REEP1: variants seen among roughly 807,000 people sequenced by gnomAD.
REEP1 encodes the protein receptor accessory protein 1.
A neutral mutation model predicts 40.3 loss-of-function variants in REEP1; 22 were observed. The observed-to-expected ratio is 0.55, with a 90% CI of 0.39 to 0.78. The LOEUF is 0.78. Among genes scored for constraint, REEP1 ranks in the 30% least tolerant of loss-of-function variants. The pLI, the probability that REEP1 is intolerant of heterozygous loss-of-function variation, is 0.00. For missense variants in REEP1, 280 were observed against 361.1 expected, an observed-to-expected ratio of 0.78 and a Z score of 1.82; for synonymous variants, 116 against 139.2, an observed-to-expected ratio of 0.83 and a Z score of 1.17.
At chr2:86,303,772 G>A (rs1679362415) in intron 1 of REEP1, among the ~76,000 whole-genome samples, 1 of 152,158 alleles carries the variant, frequency 6.6e-6, no homozygotes, top group South Asian at 2.1e-4. Context: ...GGGTAGGGGA[G>A]GCATTTCAGG....
In REEP1 at chr2:86,220,039, G is replaced by A. The variant is rs535417125; in HGVS notation, c.714C>T (p.Asp238=). The A allele has an allele frequency of 1.9e-5, 24 of 1,231,994 alleles. No homozygotes were observed. The highest frequency in any genetic ancestry group is 1.2e-4 in the South Asian group (3 of 24,320). 76.3% of individuals were successfully genotyped at this position (1,231,994 alleles called of 1,614,324 possible). A position where few individuals can be genotyped will look rare whatever the true frequency, so the allele number is the denominator to read the frequency against. ...TGAAATCCAGCAGGTCTTCCTCCTCGTCGTCAGAAAACGCCAATGGGTTTT... is the reference window on the plus strand; with the variant it reads ...TGAAATCCAGCAGGTCTTCCTCCTCATCGTCAGAAAACGCCAATGGGTTTT... ...QVQNPLAFSD[D]EEEDLLDFMY... is the part of the protein sequence containing the mutation. Residue 238 remains aspartate (D), a synonymous_variant, in exon 8 of 9, where the codon GAC becomes GAT. Coordinates refer to ENST00000538924, the MANE Select transcript of REEP1 (RefSeq NM_001371279.1).
In REEP1 at chr2:86,215,627, AT is replaced by A. The variant is rs1674069601; in HGVS notation, c.*1411del. ...CTCGAAGCACAAATATATTATTCTT[AT>A]ATTTCGGCTCAGCTCTCAGTGGGGA... On this transcript the variant is annotated 3_prime_UTR_variant, in exon 9 of 9. Coordinates refer to ENST00000538924, the MANE Select transcript of REEP1 (RefSeq NM_001371279.1). 1 of 152,628 alleles carries A rather than the reference AT, an allele frequency of 6.6e-6. No individual in the cohort carries two copies. Among genetic ancestry groups the A allele is most frequent in the Non-Finnish European group, 1.5e-5 (1 of 68,040 alleles). 9.5% of individuals were successfully genotyped at this position (152,628 alleles called of 1,614,324 possible).
intron 1 of REEP1, among the ~76,000 whole-genome samples, chr2:86,303,014 G>C (rs1679319907): frequency 6.6e-6 from 1 of 152,060 alleles, no homozygotes; most frequent in African/African-American, 2.4e-5. Context: ...TGAATGCTCT[G>C]AAGGCTGAAG....
intron 1 of REEP1, among the ~76,000 whole-genome samples, chr2:86,329,112 G>C (rs1680642967): frequency 6.6e-6 from 1 of 152,182 alleles, no homozygotes; most frequent in African/African-American, 2.4e-5. Flanking sequence ...ACAGTGGGAA[G>C]ATAATCTTCC....
At chr2:86,292,736 TG>T (rs1017542781) in intron 1 of REEP1, among the ~76,000 whole-genome samples, 1 of 151,512 alleles carries the variant, frequency 6.6e-6, no homozygotes, top group Non-Finnish European at 1.5e-5. Flanking sequence ...GAAAAAGGGG[TG>T]GGGGGAAAGA....
chr2:86,238,333 C>T (rs1574014859), intron 5 of REEP1, among the ~76,000 whole-genome samples: 1 of 152,180 alleles, frequency 6.6e-6, no homozygotes, highest in East Asian at 1.9e-4. Flanking sequence ...AATATGGTTG[C>T]ACTTCTCAGA....
intron 7 of REEP1, among the ~76,000 whole-genome samples, chr2:86,226,468 C>CTTTTTT (rs745419771): frequency 4.0e-5 from 1 of 24,846 alleles, no homozygotes; most frequent in African/African-American, 8.8e-5. Context: ...TTTTTCTTTT[C>CTTTTTT]TTTTTTTTTT....
Position 86,337,524 on chromosome 2 carries a change from G to A in REEP1, c.-14C>T. ...CCATGACACCATGGCGGGCAGGCGG[G>A]CGGGCGAGGCCCGGGCGGCGCGGCT... On this transcript the variant is annotated 5_prime_UTR_variant, in exon 1 of 9. Coordinates refer to ENST00000538924, the MANE Select transcript of REEP1 (RefSeq NM_001371279.1). The surrounding 1 kb of genome is among the most constrained non-coding windows in gnomAD (Gnocchi z 5.8). 2.4e-6 allele frequency: 3 copies of A among 1,272,684 alleles called. No homozygotes were observed. The highest frequency in any genetic ancestry group is 2.6e-5 in the South Asian group (1 of 37,746). 78.8% of individuals were successfully genotyped at this position (1,272,684 alleles called of 1,614,324 possible). A position where few individuals can be genotyped will look rare whatever the true frequency, so the allele number is the denominator to read the frequency against.
chr2:86,277,006 A>G (rs1558908392), intron 2 of REEP1, among the ~76,000 whole-genome samples: 1 of 152,152 alleles, frequency 6.6e-6, no homozygotes, highest in Admixed American at 6.5e-5. Flanking sequence ...TACTTGAGGG[A>G]TGGATGCTTC....
intron 1 of REEP1, among the ~76,000 whole-genome samples, chr2:86,323,223 AG>A (rs1244735353): frequency 6.6e-6 from 1 of 152,254 alleles, no homozygotes; most frequent in Non-Finnish European, 1.5e-5. Flanking sequence ...AAATAAATAA[AG>A]AACATCAATA....
rs147501470 is a variant in REEP1 at position 86,333,463 on chromosome 2, CT to C, written c.32+4015del. 6.1e-3 allele frequency among the ~76,000 whole-genome samples: 923 copies of C among 152,312 alleles called. 9 individuals carry two copies. The highest frequency in any genetic ancestry group is 0.021 in the African/African-American group (866 of 41,562). ...GTGCAATGTGGAAATAAAATGTTTTCTGCACAGCCATTAGTTATTCAGAAAA... is the reference window on the plus strand; with the variant it reads ...GTGCAATGTGGAAATAAAATGTTTTCGCACAGCCATTAGTTATTCAGAAAA... On this transcript the variant is annotated intron_variant, in intron 1 of 8. Transcript: ENST00000538924.
chr2:86,273,040 C>T (rs1358530230), intron 2 of REEP1, among the ~76,000 whole-genome samples: 1 of 151,914 alleles, frequency 6.6e-6, no homozygotes, highest in Non-Finnish European at 1.5e-5. Context: ...AGAAGGATCA[C>T]CTGAACCTGG....
intron 5 of REEP1, among the ~76,000 whole-genome samples, chr2:86,234,045 G>C (rs2104065358): frequency 6.6e-6 from 1 of 152,238 alleles, no homozygotes; most frequent in South Asian, 2.1e-4. Flanking sequence ...TTTCAGGGGT[G>C]AGAGAAGGGT....
chr2:86,235,880 A>G (rs1327398399), intron 5 of REEP1, among the ~76,000 whole-genome samples: 1 of 152,156 alleles, frequency 6.6e-6, no homozygotes, highest in African/African-American at 2.4e-5. Flanking sequence ...ACTCCTGAAA[A>G]CAAATTAGCC....
chr2:86,263,408 T>C (rs1384419461), intron 3 of REEP1, among the ~76,000 whole-genome samples: 2 of 151,316 alleles, frequency 1.3e-5, no homozygotes, highest in East Asian at 3.9e-4. Flanking sequence ...TATTTTTTTG[T>C]ATTTTTTTTT....
chr2:86,329,741 TGCACAGA>T (rs1309655115), intron 1 of REEP1, among the ~76,000 whole-genome samples: 2 of 152,128 alleles, frequency 1.3e-5, no homozygotes, highest in African/African-American at 4.8e-5. Context: ...ATGCTGCTGG[TGCACAGA>T]CCACACTCTG....
chr2:86,303,382 A>AT (rs1226122479), intron 1 of REEP1, among the ~76,000 whole-genome samples: 2 of 151,588 alleles, frequency 1.3e-5, no homozygotes, highest in East Asian at 1.9e-4. Context: ...AGCCTGGCTA[A>AT]TTTTTTTTGT....
chr2:86,299,074 C>T (rs928066176), intron 1 of REEP1, among the ~76,000 whole-genome samples: 7 of 152,298 alleles, frequency 4.6e-5, no homozygotes, highest in Non-Finnish European at 5.9e-5. Context: ...CAAAGAAAAA[C>T]GTCCAAGCTG....
At chr2:86,277,796 G>A (rs1160980707) in intron 2 of REEP1, among the ~76,000 whole-genome samples, 8 of 152,316 alleles carry the variant, frequency 5.3e-5, no homozygotes, top group Admixed American at 1.3e-4. Context: ...TGTCCAGCAT[G>A]TCCTTCTGAA....
Sources: allele counts gnomAD v4.1 joint callset (sites outside exome capture counted in the v4.1 genomes callset), GRCh38; gene constraint gnomAD v4.1.1; non-coding constraint Gnocchi (gnomAD v3.1); transcripts MANE v1.5; gene names NCBI Gene and HGNC (gene_info 2026-07-23, HGNC 2026-07-21).